TMEM245: variants seen among roughly 807,000 people sequenced by gnomAD.
TMEM245 encodes the protein transmembrane protein 245, also known as protein CG-2.
In TMEM245, 69 loss-of-function variants were observed where a neutral mutation model predicts 101.2. The observed-to-expected ratio is 0.68, with a 90% CI of 0.56 to 0.83. The LOEUF is 0.83. TMEM245 is among the 40% of genes least tolerant of loss of function. The pLI is 0.00. For missense variants in TMEM245, 1,075 were observed against 1,092.8 expected, an observed-to-expected ratio of 0.98 and a Z score of 0.23; for synonymous variants, 537 against 449.8, an observed-to-expected ratio of 1.19 and a Z score of -2.45.
Position 109,035,991 on chromosome 9 carries a change from C to CA in TMEM245, c.2399+214dup, listed in dbSNP as rs59613050. 630 of 130,034 alleles carry CA rather than the reference C, an allele frequency of 4.8e-3. 3 individuals are homozygous for CA. Among genetic ancestry groups the CA allele is most frequent in the South Asian group, 0.035 (127 of 3,670 alleles). 8.1% of individuals were successfully genotyped at this position (130,034 alleles called of 1,614,324 possible). A position where few individuals can be genotyped will look rare whatever the true frequency, so the allele number is the denominator to read the frequency against. ...TCTGGAACTCTGGGGCAACAACAAC[C>CA]AAAAAAAAAAAAAAAAACCCCAAAA... On this transcript the variant is annotated intron_variant, in intron 16 of 17. Coordinates refer to ENST00000374586, the MANE Select transcript of TMEM245 (RefSeq NM_032012.4).
intron 3 of TMEM245, among the ~76,000 whole-genome samples, chr9:109,097,525 T>C (rs906876886): frequency 6.6e-6 from 1 of 152,192 alleles, no homozygotes; most frequent in East Asian, 1.9e-4. Flanking sequence ...TAGATGGCTA[T>C]AGGCAAGTTA....
Position 109,119,929 on chromosome 9 carries a change from G to C in TMEM245, c.-16C>G. On this transcript the variant is annotated 5_prime_UTR_variant, in exon 1 of 18. Transcript: ENST00000374586. ...CGTCGGCCATCGTTCCTCCGCCACA[G>C]CCGCCCCCGAGGGGCGGTAATGGGA... 1 of 1,289,974 alleles carries C rather than the reference G, an allele frequency of 7.8e-7. No homozygotes were observed. The highest frequency in any genetic ancestry group is 9.8e-7 in the Non-Finnish European group (1 of 1,022,930). 79.9% of individuals were successfully genotyped at this position (1,289,974 alleles called of 1,614,324 possible).
intron 16 of TMEM245, among the ~76,000 whole-genome samples, chr9:109,034,183 T>A (rs772441768): frequency 2.6e-5 from 4 of 152,200 alleles, no homozygotes; most frequent in Non-Finnish European, 4.4e-5. Flanking sequence ...TCAGAAGGAC[T>A]GGGAAATAAG....
intron 2 of TMEM245, 62 bp downstream of exon 2, chr9:109,108,390 AG>A: frequency 1.2e-6 from 1 of 840,188 alleles, no homozygotes; most frequent in Non-Finnish European, 1.8e-6. Flanking sequence ...TCATTCACAC[AG>A]TCAGCCTCTG....
rs1488870953 is a variant in TMEM245 at position 109,060,481 on chromosome 9, A to G, written c.1624-29T>C. 3 of 1,500,126 alleles carry G rather than the reference A, an allele frequency of 2.0e-6. No homozygotes were observed. The African/African-American group carries it at 4.1e-5, about 21-fold the overall frequency. 92.9% of individuals were successfully genotyped at this position (1,500,126 alleles called of 1,614,324 possible). A position where few individuals can be genotyped will look rare whatever the true frequency, so the allele number is the denominator to read the frequency against. ...GAAAAAAACACAGATACGACGTGGT[A>G]CAATATTTCAGGCAACAACAGAGTA... On this transcript the variant is annotated intron_variant, in intron 10 of 17. Coordinates refer to ENST00000374586, the MANE Select transcript of TMEM245 (RefSeq NM_032012.4).
intron 2 of TMEM245, 38 bp downstream of exon 2, chr9:109,108,415 A>C: frequency 1.7e-6 from 2 of 1,193,706 alleles, no homozygotes; most frequent in Non-Finnish European, 2.3e-6. Flanking sequence ...ACCTTAGGCT[A>C]GACTTAAAAA....
chr9:109,078,328 C>T (rs1829575618), intron 8 of TMEM245, among the ~76,000 whole-genome samples: 2 of 152,010 alleles, frequency 1.3e-5, no homozygotes, highest in Non-Finnish European at 2.9e-5. Flanking sequence ...AAAATATAAC[C>T]CACATATTTT....
chr9:109,075,585 C>T (rs1829474038), intron 8 of TMEM245, among the ~76,000 whole-genome samples: 1 of 152,204 alleles, frequency 6.6e-6, no homozygotes, highest in African/African-American at 2.4e-5. Context: ...GTCTGTTCCA[C>T]TCCTTCTCTA....
intron 8 of TMEM245, among the ~76,000 whole-genome samples, chr9:109,075,992 G>A (rs1399990308): frequency 1.3e-5 from 2 of 152,122 alleles, no homozygotes. Flanking sequence ...CTTCCAACAA[G>A]ACACTGCTTC....
intron 8 of TMEM245, among the ~76,000 whole-genome samples, chr9:109,079,085 T>C (rs2132514385): frequency 6.6e-6 from 1 of 152,304 alleles, no homozygotes; most frequent in African/African-American, 2.4e-5. Context: ...TCACCTGTTT[T>C]TACCTGTAAA....
In TMEM245 at chr9:109,090,914, A is replaced by T; in HGVS notation, c.1150+8T>A. 6.2e-7 allele frequency: 1 copy of T among 1,613,756 alleles called. No individual in the cohort carries two copies. Among genetic ancestry groups the T allele is most frequent in the Non-Finnish European group, 8.5e-7 (1 of 1,179,686 alleles). On this transcript the variant is annotated splice_region_variant and intron_variant, in intron 5 of 17. Transcript: ENST00000374586. ...ACAAGACGAGATCGTACTTAACCAG[A>T]TAACGACCTGCAATCGGCACTGGCA... is the stretch of plus-strand genomic sequence containing the variant.
intron 16 of TMEM245, among the ~76,000 whole-genome samples, chr9:109,035,230 G>A (rs1828086067): frequency 1.4e-5 from 2 of 147,864 alleles, no homozygotes; most frequent in African/African-American, 5.0e-5. Context: ...AAAATTTACA[G>A]CAAAGTTTAA....
chr9:109,104,237 AC>A (rs1830350419), intron 3 of TMEM245, among the ~76,000 whole-genome samples: 1 of 152,136 alleles, frequency 6.6e-6, no homozygotes, highest in African/African-American at 2.4e-5. Flanking sequence ...GGGGATGGAT[AC>A]CCCATTTTAC....
intron 1 of TMEM245, among the ~76,000 whole-genome samples, chr9:109,114,350 A>G (rs1301615898): frequency 1.3e-5 from 2 of 152,244 alleles, no homozygotes; most frequent in African/African-American, 4.8e-5. Context: ...TGTGTTTAAA[A>G]GTAGAACGGT....
intron 8 of TMEM245, 113 bp from the exon 9 acceptor site, chr9:109,073,551 T>G: frequency 1.4e-6 from 1 of 738,776 alleles, no homozygotes; most frequent in Non-Finnish European, 2.2e-6. Flanking sequence ...TAAATACACA[T>G]CTTTGCTTTA....
chr9:109,107,269 C>T (rs1026545165), intron 2 of TMEM245, among the ~76,000 whole-genome samples: 3 of 151,604 alleles, frequency 2.0e-5, no homozygotes, highest in Non-Finnish European at 4.4e-5. Context: ...CGTGGTGGTA[C>T]ATGCCTGTAA....
At chr9:109,081,825 T>C (rs1829673636) in intron 7 of TMEM245, among the ~76,000 whole-genome samples, 1 of 152,240 alleles carries the variant, frequency 6.6e-6, no homozygotes, top group South Asian at 2.1e-4. Context: ...AAATGCTATC[T>C]GACATTATCT....
At chr9:109,035,965 C>G in intron 16 of TMEM245, 1 of 151,838 alleles carries the variant, frequency 6.6e-6, no homozygotes. Flanking sequence ...AAAAAAGTTG[C>G]TCTGGAACTC....
chr9:109,103,719 G>A (rs1286578776), intron 3 of TMEM245, among the ~76,000 whole-genome samples: 1 of 152,148 alleles, frequency 6.6e-6, no homozygotes, highest in Admixed American at 6.5e-5. Context: ...CAGAAGGATG[G>A]TTACCAGAGG....
Sources: gnomAD v4.1 joint callset for allele counts (sites outside exome capture counted in the v4.1 genomes callset) on GRCh38, gnomAD v4.1.1 for gene constraint, MANE v1.5 for transcripts, NCBI Gene and HGNC (gene_info 2026-07-23, HGNC 2026-07-21) for gene names.